Variants in EDARADD observed in about 807,000 individuals in gnomAD.
EDARADD encodes ectodysplasin-A receptor-associated adapter protein.
A neutral mutation model predicts 25.6 loss-of-function variants in EDARADD; 20 were observed. The ratio of observed to expected loss-of-function variants is 0.78; its 90% CI spans 0.55 to 1.14. The LOEUF (loss-of-function observed/expected upper bound fraction) is 1.14. Ranked by LOEUF, EDARADD falls within the 50% of genes most tolerant of loss-of-function variation. The pLI is 0.00. For missense variants in EDARADD, 225 were observed against 270.1 expected, an observed-to-expected ratio of 0.83 and a Z score of 1.17; for synonymous variants, 86 against 94.4, an observed-to-expected ratio of 0.91 and a Z score of 0.52.
chr1:236,396,290 T>C (rs1161784314), intron 1 of EDARADD, among the ~76,000 whole-genome samples: 1 of 152,156 alleles, frequency 6.6e-6, no homozygotes, highest in East Asian at 1.9e-4. Context: ...TTCTCTATTC[T>C]CTCACGTGAA....
At position 236,376,090 on chromosome 1, in the gene EDARADD, A is replaced by T. The variant is rs554324961; in HGVS notation, c.-6+25251A>T. Among the ~76,000 whole-genome samples, 7 of 151,934 alleles carry T rather than the reference A, an allele frequency of 4.6e-5. No homozygotes were observed. The South Asian group carries it at 1.2e-3, about 27-fold the overall frequency. ...ACTGGGATTACAGGCATGCACCACC[A>T]TGCCCAGCTAATTTTTGTATTTTTA... On this transcript the variant is annotated intron_variant, in intron 3 of 7. Coordinates refer to the EDARADD transcript ENST00000439430.
At chr1:236,436,376 G>A (rs1658251262) in intron 4 of EDARADD, among the ~76,000 whole-genome samples, 1 of 151,930 alleles carries the variant, frequency 6.6e-6, no homozygotes. Context: ...CGGCCAGACT[G>A]GTCTCTAACT....
At chr1:236,374,323 CT>C (rs1015170115) in intron 3 of EDARADD, among the ~76,000 whole-genome samples, 2 of 135,298 alleles carry the variant, frequency 1.5e-5, no homozygotes, top group African/African-American at 2.7e-5. Context: ...GAGACAGGGT[CT>C]TGCTCTGTTT....
Position 236,395,767 on chromosome 1 carries a change from C to A in EDARADD, c.61+1262C>A. The stretch of plus-strand genomic sequence containing the variant: ...GGCTATCGAGGCCGGGCCTCGGCGA[C>A]CCCCGAGGGAGGCCCGGGAACCACC... On this transcript the variant is annotated intron_variant, in intron 1 of 5. Coordinates refer to ENST00000334232, the MANE Select transcript of EDARADD (RefSeq NM_145861.4). This position sits in a 1 kb window ranked among gnomAD's most constrained non-coding sequence, Gnocchi z 6.9. 1.5e-6 allele frequency: 2 copies of A among 1,309,208 alleles called. No homozygotes were observed. Among genetic ancestry groups the A allele is most frequent in the Non-Finnish European group, 2.0e-6 (2 of 984,208 alleles). 81.1% of individuals were successfully genotyped at this position (1,309,208 alleles called of 1,614,324 possible). A position where few individuals can be genotyped will look rare whatever the true frequency, so the allele number is the denominator to read the frequency against.
chr1:236,454,446 A>G (rs1658801349), intron 4 of EDARADD, among the ~76,000 whole-genome samples: 1 of 152,118 alleles, frequency 6.6e-6, no homozygotes, highest in African/African-American at 2.4e-5. Flanking sequence ...CCTTCCTCCT[A>G]GCCCCCATGC....
At chr1:236,375,561 C>T (rs1314198480) in intron 3 of EDARADD, among the ~76,000 whole-genome samples, 1 of 147,220 alleles carries the variant, frequency 6.8e-6, no homozygotes. Flanking sequence ...GAGGCTGAGG[C>T]AGGAGAATCG....
At chr1:236,463,485 G>A (rs560674141) in intron 4 of EDARADD, among the ~76,000 whole-genome samples, 68 of 152,258 alleles carry the variant, frequency 4.5e-4, no homozygotes, top group Admixed American at 2.7e-3. Flanking sequence ...TAGATGCGGG[G>A]TTTCACCATG....
In EDARADD at chr1:236,482,674, C is replaced by G; in HGVS notation, c.*25C>G. 3 of 1,610,340 alleles carry G rather than the reference C, an allele frequency of 1.9e-6. No homozygotes were observed. The highest frequency in any genetic ancestry group is 2.5e-6 in the Non-Finnish European group (3 of 1,179,986). ...GAGCTCTTCTTCTTCCTTCATTGGC[C>G]TCTCCGGATGTTGAAACAACCACAG... On this transcript the variant is annotated 3_prime_UTR_variant, in exon 6 of 6. Transcript: ENST00000334232.
chr1:236,380,470 T>C (rs1044802623), intron 3 of EDARADD, among the ~76,000 whole-genome samples: 3 of 152,192 alleles, frequency 2.0e-5, no homozygotes, highest in African/African-American at 4.8e-5. Context: ...ACATGGTTTG[T>C]TGGGGGACAG....
chr1:236,433,747 G>A (rs907230118), intron 4 of EDARADD, among the ~76,000 whole-genome samples: 8 of 151,876 alleles, frequency 5.3e-5, no homozygotes, highest in African/African-American at 1.7e-4. Flanking sequence ...GTGGGTGCCT[G>A]TTATCCCAGC....
At chr1:236,471,111 T>G (rs1044699004) in intron 5 of EDARADD, among the ~76,000 whole-genome samples, 1 of 152,204 alleles carries the variant, frequency 6.6e-6, no homozygotes, top group African/African-American at 2.4e-5. Flanking sequence ...TCCAGTTTTA[T>G]TCTATGACAA....
chr1:236,364,988 T>C (rs937806827), intron 3 of EDARADD, among the ~76,000 whole-genome samples: 6 of 152,220 alleles, frequency 3.9e-5, no homozygotes, highest in Admixed American at 6.5e-5. Flanking sequence ...TATTCATTTT[T>C]CACCACTGAG....
chr1:236,367,870 A>G (rs924379374), intron 3 of EDARADD, among the ~76,000 whole-genome samples: 8 of 152,154 alleles, frequency 5.3e-5, no homozygotes, highest in African/African-American at 1.9e-4. Flanking sequence ...GCACTTTGGG[A>G]GGCAGATGCT....
At chr1:236,368,289 C>A (rs1165396853) in intron 3 of EDARADD, among the ~76,000 whole-genome samples, 1 of 152,176 alleles carries the variant, frequency 6.6e-6, no homozygotes, top group African/African-American at 2.4e-5. Context: ...TCGGGCTTTT[C>A]CACCTCTTTC....
Position 236,412,344 on chromosome 1 carries a change from A to G in EDARADD, c.121-1916A>G, listed in dbSNP as rs761415134. Among the ~76,000 whole-genome samples, 43 of 152,230 alleles carry G rather than the reference A, an allele frequency of 2.8e-4. No individual in the cohort carries two copies. The Middle Eastern group carries it at 0.02, about 72-fold the overall frequency. ...CTCCGTAGCCCAATCCCTATTTGCC[A>G]TCTCAGAGAATTGTCATTGCCTGCT... is the stretch of plus-strand genomic sequence containing the variant. On this transcript the variant is annotated intron_variant, in intron 2 of 5. Transcript: ENST00000334232.
intron 3 of EDARADD, among the ~76,000 whole-genome samples, chr1:236,374,042 T>G (rs1667198915): frequency 1.3e-5 from 2 of 152,208 alleles, no homozygotes; most frequent in African/African-American, 4.8e-5. Flanking sequence ...CTGTGTAATT[T>G]CTATTCTTTT....
At chr1:236,357,236 T>C (rs940065304) in intron 3 of EDARADD, among the ~76,000 whole-genome samples, 1 of 152,174 alleles carries the variant, frequency 6.6e-6, no homozygotes, top group Admixed American at 6.5e-5. Flanking sequence ...CCAAGTACAA[T>C]GGTTATCTTA....
intron 3 of EDARADD, among the ~76,000 whole-genome samples, chr1:236,424,229 A>G (rs73123270): frequency 5.1e-4 from 66 of 129,808 alleles, no homozygotes; most frequent in African/African-American, 1.9e-3. Context: ...TGGTGTGATC[A>G]TGGGTCACTG....
At chr1:236,355,341 A>G (rs1666961163) in intron 3 of EDARADD, among the ~76,000 whole-genome samples, 5 of 151,976 alleles carry the variant, frequency 3.3e-5, no homozygotes. Context: ...TTTATCCTAG[A>G]TTAAGACATG....
Sources: gnomAD v4.1 joint callset for allele counts (sites outside exome capture counted in the v4.1 genomes callset) on GRCh38, gnomAD v4.1.1 for gene constraint, Gnocchi (gnomAD v3.1) non-coding constraint, MANE v1.5 for transcripts, NCBI Gene and HGNC (gene_info 2026-07-23, HGNC 2026-07-21) for gene names.